The following KLK3 variants were observed in gnomAD, a reference collection of about 807,000 sequenced individuals.
KLK3 encodes prostate-specific antigen.
KLK3 carries 23 observed loss-of-function variants against 27.7 expected under a neutral mutation model. That is an observed-to-expected ratio of 0.83 (90% CI 0.60 to 1.17). KLK3 has a LOEUF of 1.17. KLK3 is among the 50% of genes most tolerant of loss of function. The probability of loss-of-function intolerance (pLI) is 0.00; values close to 1 mark genes in which losing one functional copy is unlikely to be tolerated. For synonymous variants in KLK3, 142 were observed against 134.2 expected (o/e 1.06, Z -0.40); for missense variants, 322 against 338.1 (o/e 0.95, Z 0.37).
In KLK3 at chr19:50,855,952, G is replaced by T. The variant is rs945440282; in HGVS notation, c.47-288G>T. 8 of 290,214 alleles carry T rather than the reference G, an allele frequency of 2.8e-5. No homozygotes were observed. The Admixed American group carries it at 3.5e-4, about 13-fold the overall frequency. 18.0% of individuals were successfully genotyped at this position (290,214 alleles called of 1,614,324 possible). A position where few individuals can be genotyped will look rare whatever the true frequency, so the allele number is the denominator to read the frequency against. On this transcript the variant is annotated intron_variant, in intron 1 of 4. Coordinates refer to ENST00000326003, the MANE Select transcript of KLK3 (RefSeq NM_001648.2). ...CAAAGGACCCAATCCCCAGACTCAA[G>T]ATATGGTCTGGGCGCTGTCTTGTGT...
chr19:50,855,320 C>A (rs1177490359), intron 1 of KLK3: 3 of 426,028 alleles, frequency 7.0e-6, no homozygotes, highest in Admixed American at 3.7e-5. Context: ...GGCTCAAAAC[C>A]TCCAAGGACC....
In KLK3 at chr19:50,856,536, G is replaced by A. The variant is rs938873126; in HGVS notation, c.206+137G>A. On this transcript the variant is annotated intron_variant, in intron 2 of 4. Transcript: ENST00000326003. ...GGGAAAGTTCTGGTTCAGGTCACAT[G>A]GGGAGGCAGGGTTGGGGCTGGACCA... is the stretch of plus-strand genomic sequence containing the variant. 7 of 1,092,212 alleles carry A rather than the reference G, an allele frequency of 6.4e-6. No homozygotes were observed. The African/African-American group carries it at 9.5e-5, about 15-fold the overall frequency. The allele number at this position is 1,092,212 out of a possible 1,614,324, so 67.7% of individuals were successfully genotyped here. A position where few individuals can be genotyped will look rare whatever the true frequency, so the allele number is the denominator to read the frequency against.
In KLK3 at chr19:50,857,179, A is replaced by AG. The variant is rs1555770266; in HGVS notation, c.206+780_206+781insG. 9.2e-3 allele frequency among the ~76,000 whole-genome samples: 1,339 copies of AG among 145,168 alleles called. 31 individuals are homozygous for AG. The highest frequency in any genetic ancestry group is 0.028 in the African/African-American group (1,090 of 38,452). On this transcript the variant is annotated intron_variant, in intron 2 of 4. Transcript: ENST00000326003. ...CTCCGCCTCAAAAAAAAAAAAAAAA[A>AG]AAAAGAAAAGAAAAGAAAAGAAAAG...
chr19:50,856,535 T>C, intron 2 of KLK3, 136 bp downstream of exon 2: 1 of 1,123,532 alleles, frequency 8.9e-7, no homozygotes, highest in Non-Finnish European at 1.2e-6. Context: ...TCAGGTCACA[T>C]GGGGAGGCAG....
At chr19:50,856,202 T>C (rs777969976) in intron 1 of KLK3, 38 bp from the exon 2 acceptor site, 1 of 1,585,848 alleles carries the variant, frequency 6.3e-7, no homozygotes, top group Non-Finnish European at 8.6e-7. Context: ...GTTCCTCCTG[T>C]CAACCCTGAT....
intron 1 of KLK3, 29 bp downstream of exon 1, chr19:50,855,030 A>C: frequency 1.2e-6 from 2 of 1,611,606 alleles, no homozygotes; most frequent in African/African-American, 1.3e-5. Context: ...GGGGGGATGC[A>C]GGAGAGGGAG....
intron 1 of KLK3, 40 bp from the exon 2 acceptor site, chr19:50,856,200 T>C (rs756614239): frequency 6.3e-7 from 1 of 1,581,696 alleles, no homozygotes; most frequent in Admixed American, 1.7e-5. Flanking sequence ...CAGTTCCTCC[T>C]GTCAACCCTG....
At chr19:50,857,045 C>A (rs960178690) in intron 2 of KLK3, among the ~76,000 whole-genome samples, 3 of 151,600 alleles carry the variant, frequency 2.0e-5, no homozygotes, top group Non-Finnish European at 4.4e-5. Flanking sequence ...TGCCTGTAGT[C>A]CCAGCTACTC....
chr19:50,855,241 C>A, intron 1 of KLK3: 1 of 554,950 alleles, frequency 1.8e-6, no homozygotes, highest in Non-Finnish European at 3.2e-6. Context: ...CATTGCCCAG[C>A]CAGCTCCCTG....
chr19:50,859,616 G>C (rs753713626), intron 4 of KLK3: 2 of 1,613,474 alleles, frequency 1.2e-6, no homozygotes, highest in South Asian at 2.2e-5. Context: ...GAGGTGTCTA[G>C]TCAGAGAGTA....
chr19:50,860,124 C>T lies in KLK3; in HGVS notation c.783C>T (p.Pro261=), dbSNP rs769230318. 1 of 1,610,906 alleles carries T rather than the reference C, an allele frequency of 6.2e-7. No homozygotes were observed. The highest frequency in any genetic ancestry group is 1.7e-5 in the Admixed American group (1 of 59,926). Residue 261 remains proline, a synonymous_variant, in exon 5 of 5, where the codon CCC becomes CCT. Transcript: ENST00000326003. ...KWIKDTIVAN[P] is the part of the protein sequence containing the mutation. ...TCAAGGACACCATCGTGGCCAACCC[C>T]TGAGCACCCCTATCAACCCCCTATT...
In KLK3 at chr19:50,856,239, G is replaced by T; in HGVS notation, c.47-1G>T. On this transcript the variant is annotated splice_acceptor_variant, in intron 1 of 4. Transcript: ENST00000326003. LOFTEE classifies it high-confidence loss of function. ...CCCCTGATCTAGCACCCCCTCTGCA[G>T]GTGCTGCACCCCTCATCCTGTCTCG... The T allele has an allele frequency of 1.9e-6, 3 of 1,611,286 alleles. No homozygotes were observed. Among genetic ancestry groups the T allele is most frequent in the Non-Finnish European group, 2.5e-6 (3 of 1,179,168 alleles).
At chr19:50,857,370 G>A in intron 2 of KLK3, 1 of 152,312 alleles carries the variant, frequency 6.6e-6, no homozygotes, top group East Asian at 1.9e-4. Context: ...AAGGGGGAAG[G>A]AAAACAGGGT....
rs1367151024 is a variant in KLK3 at position 50,858,134 on chromosome 19, C to G, written c.312C>G (p.Ser104Arg). The G allele has an allele frequency of 6.2e-7, 1 of 1,614,142 alleles. No individual in the cohort carries two copies. The highest frequency in any genetic ancestry group is 8.5e-7 in the Non-Finnish European group (1 of 1,180,000). The stretch of plus-strand genomic sequence containing the variant: ...TCCCACACCCGCTCTACGATATGAG[C>G]CTCCTGAAGAATCGATTCCTCAGGC... ...HSFPHPLYDM[S>R]LLKNRFLRPG... The change falls in exon 3 of 5, where the codon AGC becomes AGG. Residue 104 changes from serine (S) to arginine (R), a missense_variant. Coordinates refer to ENST00000326003, the MANE Select transcript of KLK3 (RefSeq NM_001648.2).
chr19:50,857,811 C>G (rs768969969), intron 2 of KLK3: 46 of 549,130 alleles, frequency 8.4e-5, no homozygotes, highest in Non-Finnish European at 1.4e-4. Flanking sequence ...CTTCCTTTTT[C>G]CCTTGGTTTC....
In KLK3 at chr19:50,860,222, T is replaced by A. The variant is rs1291141460; in HGVS notation, c.*95T>A. On this transcript the variant is annotated 3_prime_UTR_variant, in exon 5 of 5. Transcript: ENST00000326003. ...CCCCAGTTCTACTGACCTTTGTCCTTAGGTGTGAGGTCCAGGGTTGCTAGG... is the reference window on the plus strand; with the variant it reads ...CCCCAGTTCTACTGACCTTTGTCCTAAGGTGTGAGGTCCAGGGTTGCTAGG... 13 of 960,552 alleles carry A rather than the reference T, an allele frequency of 1.4e-5. No individual in the cohort carries two copies. The highest frequency in any genetic ancestry group is 2.1e-5 in the Non-Finnish European group (13 of 619,044). 59.5% of individuals were successfully genotyped at this position (960,552 alleles called of 1,614,324 possible).
At position 50,860,218 on chromosome 19, in the gene KLK3, T is replaced by C. The variant is rs1141894; in HGVS notation, c.*91T>C. 1.6e-4 allele frequency: 158 copies of C among 1,003,366 alleles called. No homozygotes were observed. The African/African-American group carries it at 2.5e-3, about 16-fold the overall frequency. 62.2% of individuals were successfully genotyped at this position (1,003,366 alleles called of 1,614,324 possible). A position where few individuals can be genotyped will look rare whatever the true frequency, so the allele number is the denominator to read the frequency against. Reference sequence around the variant, plus strand: ...GCCTCCCCAGTTCTACTGACCTTTGTCCTTAGGTGTGAGGTCCAGGGTTGC... The same window carrying C: ...GCCTCCCCAGTTCTACTGACCTTTGCCCTTAGGTGTGAGGTCCAGGGTTGC... On this transcript the variant is annotated 3_prime_UTR_variant, in exon 5 of 5. Transcript: ENST00000326003.
rs767027476 is a variant in KLK3 at position 50,856,365 on chromosome 19, C to A, written c.172C>A (p.Gln58Lys). Reference protein sequence around the residue: ...AVCGGVLVHPQWVLTAAHCIR... With the variant: ...AVCGGVLVHPKWVLTAAHCIR... ...CTGCGGCGGTGTTCTGGTGCACCCC[C>A]AGTGGGTCCTCACAGCTGCCCACTG... The change falls in exon 2 of 5, where the codon CAG becomes AAG. Residue 58 changes from glutamine to lysine, a missense_variant. Transcript: ENST00000326003. 1.2e-6 allele frequency: 2 copies of A among 1,613,922 alleles called. No individual in the cohort carries two copies. The highest frequency in any genetic ancestry group is 4.5e-5 in the East Asian group (2 of 44,862).
intron 2 of KLK3, among the ~76,000 whole-genome samples, chr19:50,857,162 C>CAAAAAAAAAAAAAAAAAAAAAAA (rs560911495): frequency 4.3e-5 from 2 of 46,414 alleles, no homozygotes; most frequent in African/African-American, 1.5e-4. Context: ...GACTCCGCCT[C>CAAAAAAAAAAAAAAAAAAAAAAA]AAAAAAAAAA....
Sources: gnomAD v4.1 joint callset for allele counts (sites outside exome capture counted in the v4.1 genomes callset) on GRCh38, gnomAD v4.1.1 for gene constraint, MANE v1.5 for transcripts, NCBI Gene and HGNC (gene_info 2026-07-23, HGNC 2026-07-21) for gene names.